Variants in FLG observed in about 807,000 individuals in gnomAD.
FLG encodes epidermal filaggrin.
FLG carries 6 observed loss-of-function variants against 3.8 expected under a neutral mutation model. That is an observed-to-expected ratio of 1.60 (90% CI 0.87 to 3.15). The LOEUF (loss-of-function observed/expected upper bound fraction) is 3.15. FLG is among the 30% of genes most tolerant of loss of function. The pLI, the probability that FLG is intolerant of heterozygous loss-of-function variation, is 0.00. For missense variants in FLG, 7,595 were observed against 5,050.9 expected (o/e 1.50, Z -15.27); for synonymous variants, 2,551 against 1,931.6 (o/e 1.32, Z -8.41).
rs1012054020 is a variant in FLG at position 152,311,108 on chromosome 1, A to G, written c.3778T>C (p.Ser1260Pro). 23 of 1,609,654 alleles carry G rather than the reference A, an allele frequency of 1.4e-5. No homozygotes were observed. The highest frequency in any genetic ancestry group is 1.7e-5 in the Non-Finnish European group (20 of 1,178,762). ...GATCCCTGGTGCCTGCTTGTCCTGGACCCCGATGATTGTTCCTGTCCCACC... is the reference window on the plus strand; with the variant it reads ...GATCCCTGGTGCCTGCTTGTCCTGGGCCCCGATGATTGTTCCTGTCCCACC... ...SQVGQEQSSG[S>P]RTSRHQGSSV... The change falls in exon 3 of 3, where the codon TCC becomes CCC. Residue 1260 changes from serine to proline, a missense_variant. Transcript: ENST00000368799.
chr1:152,311,580 G>T lies in FLG; in HGVS notation c.3306C>A (p.Ser1102=). Residue 1102 remains serine, a synonymous_variant, in exon 3 of 3, where the codon TCC becomes TCA. Transcript: ENST00000368799. ...DGPHQQSHQE[S]ARDWSGGRSG... Reference sequence around the variant, plus strand: ...ACCTTCCCCCTGACCAGTCACGTGCGGACTCTTGGTGGCTCTGCTGATGGG... The same window carrying T: ...ACCTTCCCCCTGACCAGTCACGTGCTGACTCTTGGTGGCTCTGCTGATGGG... The T allele has an allele frequency of 6.2e-7, 1 of 1,613,992 alleles. No homozygotes were observed. Among genetic ancestry groups the T allele is most frequent in the Non-Finnish European group, 8.5e-7 (1 of 1,180,006 alleles).
At position 152,312,320 on chromosome 1, in the gene FLG, G is replaced by C. The variant is rs761614095; in HGVS notation, c.2566C>G (p.His856Asp). The change falls in exon 3 of 3, where the codon CAC (histidine) becomes GAC (aspartate). Residue 856 changes from histidine (H) to aspartate (D), a missense_variant. Physicochemically the swap from His to Asp is moderately conservative, Grantham distance 81 (BLOSUM62 -1). Coordinates refer to ENST00000368799, the MANE Select transcript of FLG (RefSeq NM_002016.2). ...GACCTATCTACCGATTGCTCGTGGTGGGACCCCTGCCTTCCTCTTCTGCTT... is the reference window on the plus strand; with the variant it reads ...GACCTATCTACCGATTGCTCGTGGTCGGACCCCTGCCTTCCTCTTCTGCTT... Reference protein sequence around the residue: ...GSSRRGRQGSHHEQSVDRSGH... With the variant: ...GSSRRGRQGSDHEQSVDRSGH... 1 of 1,613,244 alleles carries C rather than the reference G, an allele frequency of 6.2e-7. No individual in the cohort carries two copies. Among genetic ancestry groups the C allele is most frequent in the Admixed American group, 1.7e-5 (1 of 59,932 alleles).
In FLG at chr1:152,305,242, A is replaced by C. The variant is rs1477012134; in HGVS notation, c.9644T>G (p.Val3215Gly). The C allele has an allele frequency of 6.2e-7, 1 of 1,612,446 alleles. No individual in the cohort carries two copies. The highest frequency in any genetic ancestry group is 2.2e-5 in the East Asian group (1 of 44,632). ...SRRSRRQGSS[V>G]SQDSDSEGHS... ...TCCCTCACTGTCACTGTCCTGGCTCACACTGGATCCCTGGCGCCTGCTTCT... is the reference window on the plus strand; with the variant it reads ...TCCCTCACTGTCACTGTCCTGGCTCCCACTGGATCCCTGGCGCCTGCTTCT... Residue 3215 changes from valine (V) to glycine (G), a missense_variant, in exon 3 of 3, where the codon GTG (valine) becomes GGG (glycine). By Grantham distance (109) the Val-to-Gly change is moderately radical. Coordinates refer to ENST00000368799, the MANE Select transcript of FLG (RefSeq NM_002016.2).
In FLG at chr1:152,308,940, T is replaced by G; in HGVS notation, c.5946A>C (p.Thr1982=). 6.2e-7 allele frequency: 1 copy of G among 1,614,078 alleles called. No homozygotes were observed. Among genetic ancestry groups the G allele is most frequent in the Non-Finnish European group, 8.5e-7 (1 of 1,179,898 alleles). ...CAGCCTGTCCACGAGAGGAAGACTC[T>G]GTGTGACGAGTGCCTGATTGTCTGG... is the stretch of plus-strand genomic sequence containing the variant. ...DSSRQSGTRH[T]ESSSRGQAAS... The change falls in exon 3 of 3, where the codon ACA becomes ACC. Residue 1982 remains threonine (T), a synonymous_variant. Coordinates refer to ENST00000368799, the MANE Select transcript of FLG (RefSeq NM_002016.2).
At position 152,308,282 on chromosome 1, in the gene FLG, C is replaced by T. The variant is rs146891517; in HGVS notation, c.6604G>A (p.Gly2202Ser). Residue 2202 changes from glycine (G) to serine (S), a missense_variant, in exon 3 of 3, where the codon GGC (glycine) becomes AGC (serine). Physicochemically the swap from Gly to Ser is moderately conservative, Grantham distance 56. Transcript: ENST00000368799. ...KTYDKEQSGD[G>S]SRHSGSHHHE... ...TGATGCGACCCTGAGTGCCTAGAGC[C>T]ATCTCCTGATTGTTCCTTGTCATAT... 1,224 of 1,613,174 alleles carry T rather than the reference C, an allele frequency of 7.6e-4. 26 individuals carry two copies. The East Asian group carries it at 0.016, about 22-fold the overall frequency.
chr1:152,311,277 C>A lies in FLG; in HGVS notation c.3609G>T (p.Arg1203Ser), dbSNP rs141677205. 6,611 of 1,613,878 alleles carry A rather than the reference C, an allele frequency of 4.1e-3. 22 individuals are homozygous for A. The highest frequency in any genetic ancestry group is 5.1e-3 in the Non-Finnish European group (6,009 of 1,179,964). ...SHHSHTTSQGRSDASHGQSGS... is the reference protein window; with the variant it reads ...SHHSHTTSQGSSDASHGQSGS... ...CTGACTGCCCATGGGAGGCATCAGA[C>A]CTTCCCTGGGATGTGGTGTGGCTGT... is the stretch of plus-strand genomic sequence containing the variant. Residue 1203 changes from arginine to serine, a missense_variant, in exon 3 of 3, where the codon AGG (arginine) becomes AGT (serine). By Grantham distance (110) the Arg-to-Ser change is moderately radical. Coordinates refer to ENST00000368799, the MANE Select transcript of FLG (RefSeq NM_002016.2).
Position 152,305,032 on chromosome 1 carries a change from C to A in FLG, c.9854G>T (p.Gly3285Val), listed in dbSNP as rs749472491. The A allele has an allele frequency of 6.2e-7, 1 of 1,613,928 alleles. No individual in the cohort carries two copies. Among genetic ancestry groups the A allele is most frequent in the South Asian group, 1.1e-5 (1 of 91,018 alleles). The change falls in exon 3 of 3, where the codon GGA becomes GTA. Residue 3285 changes from glycine to valine, a missense_variant. Transcript: ENST00000368799. ...CTGTTCATGGGATGATGCAGCCTGT[C>A]CACCAGAGGAAGTCTCTGCGTGACG... ...GTRHAETSSG[G>V]QAASSHEQAR...
chr1:152,305,004 T>G lies in FLG; in HGVS notation c.9882A>C (p.Ala3294=), dbSNP rs1262837776. The G allele has an allele frequency of 6.2e-7, 1 of 1,613,836 alleles. No homozygotes were observed. The highest frequency in any genetic ancestry group is 8.5e-7 in the Non-Finnish European group (1 of 1,179,948). The change falls in exon 3 of 3, where the codon GCA becomes GCC. Residue 3294 remains alanine (A), a synonymous_variant. Coordinates refer to ENST00000368799, the MANE Select transcript of FLG (RefSeq NM_002016.2). ...CGTGTCTCTCTCCTGGACTTGATCT[T>G]GCCTGTTCATGGGATGATGCAGCCT... ...GGQAASSHEQ[A]RSSPGERHGS...
chr1:152,312,705 G>A lies in FLG; in HGVS notation c.2181C>T (p.His727=), dbSNP rs7512779. ...ADSSRHSGTG[H]GQASSAVRDS... ...CTCTGACTGCAGATGAAGCTTGTCCGTGCCCAGTGCCTGAGTGTCTGGAGC... is the reference window on the plus strand; with the variant it reads ...CTCTGACTGCAGATGAAGCTTGTCCATGCCCAGTGCCTGAGTGTCTGGAGC... Residue 727 remains histidine (H), a synonymous_variant, in exon 3 of 3, where the codon CAC becomes CAT. Transcript: ENST00000368799. The A allele has an allele frequency of 3.5e-5, 57 of 1,613,834 alleles. No homozygotes were observed. The highest frequency in any genetic ancestry group is 2.6e-4 in the South Asian group (24 of 91,062).
intron 1 of FLG, among the ~76,000 whole-genome samples, chr1:152,319,854 A>T (rs1471096377): frequency 1.3e-5 from 2 of 151,494 alleles, no homozygotes; most frequent in African/African-American, 4.8e-5. Flanking sequence ...AGGAGCAAGA[A>T]AGAATAAGAA....
In FLG at chr1:152,313,157, A is replaced by G; in HGVS notation, c.1729T>C (p.Ser577Pro). Residue 577 changes from serine to proline, a missense_variant, in exon 3 of 3, where the codon TCA becomes CCA. Transcript: ENST00000368799. ...ASRQTRNEEQ[S>P]GDGTRHSGSR... Reference sequence around the variant, plus strand: ...CCTGAGTGCCTGGTGCCGTCTCCTGATTGTTCCTCATTTCGTGTTTGTCTG... The same window carrying G: ...CCTGAGTGCCTGGTGCCGTCTCCTGGTTGTTCCTCATTTCGTGTTTGTCTG... The G allele has an allele frequency of 2.5e-6, 4 of 1,613,268 alleles. No homozygotes were observed. The highest frequency in any genetic ancestry group is 3.4e-6 in the Non-Finnish European group (4 of 1,179,862).
chr1:152,316,451 G>C (rs556649807), intron 1 of FLG, among the ~76,000 whole-genome samples: 3 of 151,678 alleles, frequency 2.0e-5, no homozygotes, highest in Admixed American at 6.6e-5. Context: ...AAGAAGCATA[G>C]AAAAAGAAGG....
At position 152,315,313 on chromosome 1, in the gene FLG, T is replaced by C. The variant is rs1459795264; in HGVS notation, c.138+6A>G. On this transcript the variant is annotated splice_donor_region_variant and intron_variant, in intron 2 of 2. Transcript: ENST00000368799. Reference sequence around the variant, plus strand: ...CTCTATCTTTGGTCTTGTCAGAGACTCTTACCTTCAGGATTTGCCGAAATT... The same window carrying C: ...CTCTATCTTTGGTCTTGTCAGAGACCCTTACCTTCAGGATTTGCCGAAATT... 2 of 1,613,178 alleles carry C rather than the reference T, an allele frequency of 1.2e-6. No individual in the cohort carries two copies. Among genetic ancestry groups the C allele is most frequent in the Non-Finnish European group, 1.7e-6 (2 of 1,179,358 alleles).
rs111524175 is a variant in FLG at position 152,312,547 on chromosome 1, C to T, written c.2339G>A (p.Arg780His). 43 of 1,613,714 alleles carry T rather than the reference C, an allele frequency of 2.7e-5. No individual in the cohort carries two copies. The highest frequency in any genetic ancestry group is 4.0e-5 in the African/African-American group (3 of 74,824). Residue 780 changes from arginine (R) to histidine (H), a missense_variant, in exon 3 of 3, where the codon CGT (arginine) becomes CAT (histidine). Coordinates refer to ENST00000368799, the MANE Select transcript of FLG (RefSeq NM_002016.2). ...TCGAGACCTTTCCCCTGACCGGTCA[C>T]GTGCGGACTCTTGGTGGCTCTGCTG... ...HHQQSHQESARDRSGERSRRS... is the reference protein window; with the variant it reads ...HHQQSHQESAHDRSGERSRRS...
Position 152,314,574 on chromosome 1 carries a change from G to A in FLG, c.312C>T (p.His104=), listed in dbSNP as rs777594283. 1 of 1,613,390 alleles carries A rather than the reference G, an allele frequency of 6.2e-7. No individual in the cohort carries two copies. Among genetic ancestry groups the A allele is most frequent in the South Asian group, 1.1e-5 (1 of 91,056 alleles). Residue 104 remains histidine (H), a synonymous_variant, in exon 3 of 3, where the codon CAC becomes CAT. Transcript: ENST00000368799. ...TATCTTCATGTTTATCATGATGACTGTGCTTTCTGTGCTTGTGTCCTGATA... is the reference window on the plus strand; with the variant it reads ...TATCTTCATGTTTATCATGATGACTATGCTTTCTGTGCTTGTGTCCTGATA... ...LPISGHKHRK[H]SHHDKHEDNK... is the part of the protein sequence containing the mutation.
In FLG at chr1:152,304,190, A is replaced by T. The variant is rs368471988; in HGVS notation, c.10696T>A (p.Ser3566Thr). ...SGSASRNHRGSAQEQSRDGSR... is the reference protein window; with the variant it reads ...SGSASRNHRGTAQEQSRDGSR... ...CCATCTCTTGACTGCTCCTGAGCAG[A>T]TCCACGATGGTTTCTGGAAGCAGAC... The change falls in exon 3 of 3, where the codon TCT (serine) becomes ACT (threonine). Residue 3566 changes from serine to threonine, a missense_variant. Transcript: ENST00000368799. The T allele has an allele frequency of 1.3e-5, 21 of 1,609,574 alleles. No homozygotes were observed. The highest frequency in any genetic ancestry group is 1.6e-5 in the Non-Finnish European group (19 of 1,179,320).
At position 152,313,055 on chromosome 1, in the gene FLG, G is replaced by T. The variant is rs561362233; in HGVS notation, c.1831C>A (p.Pro611Thr). Residue 611 changes from proline (P) to threonine (T), a missense_variant, in exon 3 of 3, where the codon CCC (proline) becomes ACC (threonine). Coordinates refer to ENST00000368799, the MANE Select transcript of FLG (RefSeq NM_002016.2). ...GATCCCTGGTTCCTACTTGTCCTGG[G>T]CCCCGATGATTGTCCCTGGCCCACC... The part of the protein sequence containing the change: ...SQVGQGQSSG[P>T]RTSRNQGSSV... The T allele has an allele frequency of 3.1e-6, 5 of 1,613,854 alleles. No individual in the cohort carries two copies. Among genetic ancestry groups the T allele is most frequent in the South Asian group, 1.1e-5 (1 of 91,066 alleles).
chr1:152,302,829 C>CG lies in FLG; in HGVS notation c.12056dup (p.Phe4020ValfsTer3). ...AATACCTTGGATGATCTTTACCAAA[C>CG]GCACTTGCTTTACAGATATCAGATC... is the stretch of plus-strand genomic sequence containing the variant. On this transcript the variant is annotated frameshift_variant, in exon 3 of 3. Transcript: ENST00000368799. LOFTEE classifies it low-confidence loss of function (END_TRUNC). 1 of 1,614,154 alleles carries CG rather than the reference C, an allele frequency of 6.2e-7. No homozygotes were observed. The highest frequency in any genetic ancestry group is 8.5e-7 in the Non-Finnish European group (1 of 1,180,006).
intron 1 of FLG, 135 bp from the exon 2 acceptor site, chr1:152,315,612 G>T (rs767943371): frequency 7.7e-6 from 5 of 652,806 alleles, no homozygotes; most frequent in Non-Finnish European, 1.0e-5. Flanking sequence ...ATGGACATGA[G>T]AAACTTTTCT....
Sources: gnomAD v4.1 joint callset for allele counts (sites outside exome capture counted in the v4.1 genomes callset) on GRCh38, gnomAD v4.1.1 for gene constraint, MANE v1.5 for transcripts, NCBI Gene and HGNC (gene_info 2026-07-23, HGNC 2026-07-21) for gene names.